BLK: variants seen among roughly 807,000 people sequenced by gnomAD.
BLK encodes the protein tyrosine-protein kinase Blk.
BLK carries 64 observed loss-of-function variants against 61.8 expected under a neutral mutation model. That is an observed-to-expected ratio of 1.03 (90% CI 0.85 to 1.27). The LOEUF is 1.27. BLK is among the 50% of genes most tolerant of loss of function. The pLI is 0.00. For synonymous variants in BLK, 351 were observed against 272.0 expected (o/e 1.29, Z -2.86); for missense variants, 853 against 660.5 (o/e 1.29, Z -3.19).
intron 4 of BLK, among the ~76,000 whole-genome samples, chr8:11,548,772 AG>A (rs1800764589): frequency 1.3e-5 from 2 of 152,222 alleles, no homozygotes; most frequent in African/African-American, 4.8e-5. Context: ...ATCAAGAGGA[AG>A]GCTGCTGGCT....
rs1296558213 is a variant in BLK, at chr8:11,555,378, C to T, written c.666C>T (p.Arg222=). Reference sequence around the variant, plus strand: ...AGAGGCTGACCCTGCCCTGTGTGCGCCCGGCCCCGCAGAATCCCTGGGCCC... The same window carrying T: ...AGAGGCTGACCCTGCCCTGTGTGCGTCCGGCCCCGCAGAATCCCTGGGCCC... ...LCQRLTLPCV[R]PAPQNPWAQD... The change falls in exon 8 of 13, where the codon CGC becomes CGT. Residue 222 remains arginine, a synonymous_variant. Transcript: ENST00000259089. 1.2e-6 allele frequency: 2 copies of T among 1,614,146 alleles called. No individual in the cohort carries two copies. Among genetic ancestry groups the T allele is most frequent in the Non-Finnish European group, 1.7e-6 (2 of 1,180,020 alleles).
chr8:11,512,092 A>C (rs552299764), intron 1 of BLK, among the ~76,000 whole-genome samples: 1 of 152,212 alleles, frequency 6.6e-6, no homozygotes, highest in Admixed American at 6.5e-5. Context: ...AAACAAACAA[A>C]ATGGCTTTTC....
At position 11,549,028 on chromosome 8, in the gene BLK, G is replaced by A; in HGVS notation, c.274G>A (p.Gly92Arg). ...TGTTTCCCCTGCTCCCATTAGAACT[G>A]GAGACTGGTGGCTGGCCAGGTCACT... is the stretch of plus-strand genomic sequence containing the variant. ...GEKLQVLKGT[G>R]DWWLARSLVT... Residue 92 changes from glycine to arginine, a missense_variant, in exon 5 of 13, where the codon GGA becomes AGA. Transcript: ENST00000259089. 1 of 1,608,010 alleles carries A rather than the reference G, an allele frequency of 6.2e-7. No individual in the cohort carries two copies. The highest frequency in any genetic ancestry group is 8.5e-7 in the Non-Finnish European group (1 of 1,177,352).
intron 3 of BLK, among the ~76,000 whole-genome samples, chr8:11,546,550 C>T (rs1800653622): frequency 6.6e-6 from 1 of 152,058 alleles, no homozygotes; most frequent in Non-Finnish European, 1.5e-5. Context: ...CACCTAACCA[C>T]CCACGCCCCT....
chr8:11,509,264 G>A (rs1798902983), intron 1 of BLK: 1 of 152,244 alleles, frequency 6.6e-6, no homozygotes. Context: ...TCCAGCATCA[G>A]CTGATGCCAG....
At chr8:11,545,973 C>T (rs1377144961) in intron 2 of BLK, 79 bp from the exon 3 acceptor site, 35 of 1,481,118 alleles carry the variant, frequency 2.4e-5, no homozygotes, top group Admixed American at 1.7e-4. Context: ...CCTGGCTGCC[C>T]GGCTCAGCAG....
At chr8:11,510,363 T>A (rs887391198) in intron 1 of BLK, among the ~76,000 whole-genome samples, 2 of 152,302 alleles carry the variant, frequency 1.3e-5, no homozygotes, top group East Asian at 3.9e-4. Flanking sequence ...CTTTCCTCTC[T>A]GTGAAATGAA....
chr8:11,558,034 C>A lies in BLK; in HGVS notation c.1025C>A (p.Ala342Glu), dbSNP rs754095293. The change falls in exon 10 of 13, where the codon GCG becomes GAG. Residue 342 changes from alanine (A) to glutamate (E), a missense_variant. Transcript: ENST00000259089. ...CTCCCAAGGCTGATTGACATGTCGGCGCAGGTTGGTGAAGTACCAGGTGCA... is the reference window on the plus strand; with the variant it reads ...CTCCCAAGGCTGATTGACATGTCGGAGCAGGTTGGTGAAGTACCAGGTGCA... ...LSLPRLIDMSAQIAEGMAYIE... is the reference protein window; with the variant it reads ...LSLPRLIDMSEQIAEGMAYIE... The A allele has an allele frequency of 1.9e-5, 31 of 1,613,872 alleles. No homozygotes were observed. Among genetic ancestry groups the A allele is most frequent in the Non-Finnish European group, 2.6e-5 (31 of 1,179,918 alleles).
chr8:11,500,730 C>G (rs1298372425), intron 1 of BLK, among the ~76,000 whole-genome samples: 1 of 151,966 alleles, frequency 6.6e-6, no homozygotes, highest in Non-Finnish European at 1.5e-5. Context: ...CTAGGCTGGT[C>G]TCAACCTCCT....
intron 1 of BLK, among the ~76,000 whole-genome samples, chr8:11,532,104 C>G (rs1799909611): frequency 6.6e-6 from 1 of 152,122 alleles, no homozygotes; most frequent in Non-Finnish European, 1.5e-5. Context: ...AGTAATTCAC[C>G]TGCTTCGGCC....
chr8:11,519,207 A>G (rs972301005), intron 1 of BLK, among the ~76,000 whole-genome samples: 1 of 152,186 alleles, frequency 6.6e-6, no homozygotes, highest in Non-Finnish European at 1.5e-5. Flanking sequence ...TGGATTCCTC[A>G]AAGGAAGGAA....
intron 1 of BLK, among the ~76,000 whole-genome samples, chr8:11,535,690 T>C (rs1425458757): frequency 6.6e-6 from 1 of 152,212 alleles, no homozygotes; most frequent in East Asian, 1.9e-4. Context: ...TGCCTGAGCC[T>C]CGACCTATCT....
intron 1 of BLK, among the ~76,000 whole-genome samples, chr8:11,530,874 A>G (rs928550919): frequency 6.6e-6 from 1 of 152,220 alleles, no homozygotes; most frequent in Admixed American, 6.5e-5. Context: ...TTTCTCTTTG[A>G]TAAGCAACAA....
At chr8:11,495,563 A>G (rs996359414) in intron 1 of BLK, among the ~76,000 whole-genome samples, 2 of 151,918 alleles carry the variant, frequency 1.3e-5, no homozygotes, top group African/African-American at 4.8e-5. Flanking sequence ...AACCCCAGTC[A>G]AATCATGAGA....
At chr8:11,544,753 T>A (rs1169845483) in intron 2 of BLK, among the ~76,000 whole-genome samples, 1 of 152,234 alleles carries the variant, frequency 6.6e-6, no homozygotes, top group African/African-American at 2.4e-5. Context: ...TTCCTATTTT[T>A]AAGAGAAACA....
At chr8:11,533,655 G>T (rs986025561) in intron 1 of BLK, among the ~76,000 whole-genome samples, 1 of 147,776 alleles carries the variant, frequency 6.8e-6, no homozygotes, top group Non-Finnish European at 1.5e-5. Context: ...GGAGGAGACG[G>T]AGGGGGAGAG....
chr8:11,504,397 A>G (rs1798688446), intron 1 of BLK, among the ~76,000 whole-genome samples: 1 of 133,916 alleles, frequency 7.5e-6, no homozygotes, highest in Admixed American at 7.2e-5. Flanking sequence ...AAAAGAAAAG[A>G]AAAGAAAAGA....
chr8:11,502,974 GC>G (rs1798625324), intron 1 of BLK, among the ~76,000 whole-genome samples: 1 of 152,186 alleles, frequency 6.6e-6, no homozygotes, highest in Admixed American at 6.5e-5. Flanking sequence ...GTCCCCACTC[GC>G]AAAACGGCTA....
chr8:11,528,125 C>T (rs548426464), intron 1 of BLK, among the ~76,000 whole-genome samples: 2 of 152,126 alleles, frequency 1.3e-5, no homozygotes. Flanking sequence ...CAATCTCTGC[C>T]TCCCAGGCTC....
Sources: gnomAD v4.1 joint callset for allele counts (sites outside exome capture counted in the v4.1 genomes callset) on GRCh38, gnomAD v4.1.1 for gene constraint, MANE v1.5 for transcripts, NCBI Gene and HGNC (gene_info 2026-07-23, HGNC 2026-07-21) for gene names.